DENND11: variants seen among roughly 807,000 people sequenced by gnomAD.
DENND11 encodes the protein DENN domain-containing protein 11.
DENND11 carries 34 observed loss-of-function variants against 49.2 expected under a neutral mutation model. That is an observed-to-expected ratio of 0.69 (90% confidence interval 0.53 to 0.92). The LOEUF is 0.92. Ranked by LOEUF, DENND11 falls within the 40% of genes least tolerant of loss-of-function variation. The pLI is 0.00. For missense variants in DENND11, 475 were observed against 581.6 expected, an observed-to-expected ratio of 0.82 and a Z score of 1.88; for synonymous variants, 238 against 230.3, an observed-to-expected ratio of 1.03 and a Z score of -0.30.
intron 1 of DENND11, among the ~76,000 whole-genome samples, chr7:141,689,225 G>A (rs1489754366): frequency 1.3e-5 from 2 of 152,140 alleles, no homozygotes; most frequent in African/African-American, 4.8e-5. Flanking sequence ...ATGGTAGACC[G>A]GATAAAGAAA....
At chr7:141,662,940 C>T (rs996030192) in intron 8 of DENND11, 89 bp from the exon 9 acceptor site, 4 of 948,202 alleles carry the variant, frequency 4.2e-6, no homozygotes, top group Non-Finnish European at 6.0e-6. Flanking sequence ...CAAAACTATA[C>T]TGTTTTGTTT....
At position 141,702,133 on chromosome 7, in the gene DENND11, C is replaced by T; in HGVS notation, c.21G>A (p.Ala7=). MVEQGD[A]APLLRWAEGP... ...CCTCGGCCCAGCGCAGCAGCGGCGC[C>T]GCGTCTCCCTGCTCCACCATGGCTA... Residue 7 remains alanine (A), a synonymous_variant, in exon 1 of 9, where the codon GCG becomes GCA. Coordinates refer to ENST00000536163, the MANE Select transcript of DENND11 (RefSeq NM_001080392.2). The T allele has an allele frequency of 1.0e-6, 1 of 983,036 alleles. No homozygotes were observed. Among genetic ancestry groups the T allele is most frequent in the Non-Finnish European group, 1.2e-6 (1 of 829,866 alleles). 60.9% of individuals were successfully genotyped at this position (983,036 alleles called of 1,614,324 possible). A position where few individuals can be genotyped will look rare whatever the true frequency, so the allele number is the denominator to read the frequency against.
In DENND11 at chr7:141,670,061, C is replaced by T. The variant is rs576786956; in HGVS notation, c.682-3636G>A. Among the ~76,000 whole-genome samples the T allele has an allele frequency of 2.1e-3, 309 of 150,624 alleles. 5 individuals carry two copies. The highest frequency in any genetic ancestry group is 6.8e-3 in the Middle Eastern group (2 of 294). On this transcript the variant is annotated intron_variant, in intron 4 of 8. Coordinates refer to ENST00000536163, the MANE Select transcript of DENND11 (RefSeq NM_001080392.2). ...TCCTGACCTCGTGATCCGCCCGCCT[C>T]GGCCTCCCAAAGTGCTGGGATTACA...
intron 1 of DENND11, among the ~76,000 whole-genome samples, chr7:141,698,162 C>T (rs1439607017): frequency 6.6e-6 from 1 of 152,234 alleles, no homozygotes; most frequent in Non-Finnish European, 1.5e-5. Flanking sequence ...AAAGCTTCAT[C>T]GGCCTCCATC....
At chr7:141,677,678 C>T (rs1216957806) in intron 3 of DENND11, among the ~76,000 whole-genome samples, 2 of 151,678 alleles carry the variant, frequency 1.3e-5, no homozygotes, top group African/African-American at 2.4e-5. Context: ...GTACATTGTA[C>T]ACATCCTCTG....
At chr7:141,700,979 A>C (rs1798501793) in intron 1 of DENND11, among the ~76,000 whole-genome samples, 1 of 151,534 alleles carries the variant, frequency 6.6e-6, no homozygotes, top group African/African-American at 2.4e-5. Flanking sequence ...TGACACCACG[A>C]CTCCTGCGAT....
At position 141,687,463 on chromosome 7, in the gene DENND11, ATT is replaced by A. The variant is rs754606947; in HGVS notation, c.269-807_269-806del. On this transcript the variant is annotated intron_variant, in intron 1 of 8. Coordinates refer to ENST00000536163, the MANE Select transcript of DENND11 (RefSeq NM_001080392.2). ...ATGTTATGACAGAGGATAAGGTGCGATTTTTTTTTTTTTTTCTCGAGACTGAG... is the reference window on the plus strand; with the variant it reads ...ATGTTATGACAGAGGATAAGGTGCGATTTTTTTTTTTTTCTCGAGACTGAG... Among the ~76,000 whole-genome samples, 108 of 142,072 alleles carry A rather than the reference ATT, an allele frequency of 7.6e-4. 1 individual carries two copies. The highest frequency in any genetic ancestry group is 2.9e-3 in the East Asian group (14 of 4,866). The allele number at this position is 142,072 out of a possible 152,430, so 93.2% of individuals were successfully genotyped here.
At chr7:141,683,618 G>T (rs762287782) in intron 3 of DENND11, among the ~76,000 whole-genome samples, 2 of 152,192 alleles carry the variant, frequency 1.3e-5, no homozygotes, top group Non-Finnish European at 2.9e-5. Context: ...CCTCCAGCCT[G>T]GGCGACAGAG....
chr7:141,670,255 T>C (rs1452369802), intron 4 of DENND11, among the ~76,000 whole-genome samples: 1 of 152,176 alleles, frequency 6.6e-6, no homozygotes. Flanking sequence ...CCATCAATAC[T>C]TTCCATGTTT....
intron 3 of DENND11, 40 bp downstream of exon 3, chr7:141,685,438 G>GATCCTGCTGCC: frequency 6.2e-7 from 1 of 1,606,786 alleles, no homozygotes; most frequent in Non-Finnish European, 8.5e-7. Context: ...CCAGCTGGTG[G>GATCCTGCTGCC]ATCCTGCTGC....
At position 141,662,668 on chromosome 7, in the gene DENND11, G is replaced by C; in HGVS notation, c.1356C>G (p.Pro452=). Residue 452 remains proline, a synonymous_variant, in exon 9 of 9, where the codon CCC becomes CCG. Transcript: ENST00000536163. The part of the protein sequence containing the change: ...GIDVMLVIDN[P]CCP The stretch of plus-strand genomic sequence containing the variant: ...CTGTTGGCTCCTCCTACGGGCAACA[G>C]GGGTTGTCGATAACCAGCATGACAT... 1 of 1,591,450 alleles carries C rather than the reference G, an allele frequency of 6.3e-7. No individual in the cohort carries two copies. The highest frequency in any genetic ancestry group is 8.5e-7 in the Non-Finnish European group (1 of 1,170,004).
At chr7:141,679,071 T>C (rs1798109123) in intron 3 of DENND11, among the ~76,000 whole-genome samples, 4 of 152,194 alleles carry the variant, frequency 2.6e-5, no homozygotes, top group Admixed American at 6.5e-5. Context: ...ACAGATTAAG[T>C]GTTGCAGAAA....
Position 141,674,072 on chromosome 7 carries a change from T to C in DENND11, c.676A>G (p.Met226Val). ...PSIHRYMYPE[M>V]KITHPAGCMS... is the part of the protein sequence containing the mutation. Reference sequence around the variant, plus strand: ...AAAAGCAGGGCTAACCTCACCTTCATCTCAGGGTACATGTATCGGTGGATG... The same window carrying C: ...AAAAGCAGGGCTAACCTCACCTTCACCTCAGGGTACATGTATCGGTGGATG... The change falls in exon 4 of 9, where the codon ATG (methionine) becomes GTG (valine). Residue 226 changes from methionine to valine, a missense_variant. Met to Val is a conservative substitution (Grantham distance 21, BLOSUM62 1). Transcript: ENST00000536163. 6.2e-7 allele frequency: 1 copy of C among 1,605,830 alleles called. No homozygotes were observed. The highest frequency in any genetic ancestry group is 1.1e-5 in the South Asian group (1 of 88,896).
chr7:141,680,770 A>C (rs1440215137), intron 3 of DENND11, among the ~76,000 whole-genome samples: 2 of 152,026 alleles, frequency 1.3e-5, no homozygotes, highest in African/African-American at 4.8e-5. Context: ...TACCATGTGG[A>C]TGAGGACAAC....
At chr7:141,698,362 C>T (rs753781652) in intron 1 of DENND11, among the ~76,000 whole-genome samples, 3 of 152,154 alleles carry the variant, frequency 2.0e-5, no homozygotes, top group African/African-American at 7.2e-5. Context: ...CAAAATGAAA[C>T]AGCAATATTC....
At chr7:141,695,277 C>G (rs1162826453) in intron 1 of DENND11, among the ~76,000 whole-genome samples, 1 of 152,096 alleles carries the variant, frequency 6.6e-6, no homozygotes, top group Admixed American at 6.5e-5. Flanking sequence ...GAAAGACATA[C>G]AGGTTTTCAC....
chr7:141,665,097 C>T (rs768540432), intron 6 of DENND11, 43 bp from the exon 7 acceptor site: 46 of 1,609,964 alleles, frequency 2.9e-5, no homozygotes, highest in Non-Finnish European at 3.8e-5. Flanking sequence ...CACCCGACCC[C>T]ACTGGGAAAC....
Position 141,685,691 on chromosome 7 carries a change from G to T in DENND11, c.369-55C>A, listed in dbSNP as rs1584721817. ...CAAGATCAGAGAGGAATTTTGAGAT[G>T]CAATCCTAAACAAAACAAATGAACT... On this transcript the variant is annotated intron_variant, in intron 2 of 8. Transcript: ENST00000536163. 5.1e-6 allele frequency: 8 copies of T among 1,578,394 alleles called. No homozygotes were observed. The East Asian group carries it at 1.8e-4, about 35-fold the overall frequency.
chr7:141,695,642 A>G (rs1798400804), intron 1 of DENND11, among the ~76,000 whole-genome samples: 1 of 152,222 alleles, frequency 6.6e-6, no homozygotes, highest in Admixed American at 6.5e-5. Context: ...GGTTTTCCAG[A>G]TATCCTCACT....
Sources: gnomAD v4.1 joint callset for allele counts (sites outside exome capture counted in the v4.1 genomes callset) on GRCh38, gnomAD v4.1.1 for gene constraint, MANE v1.5 for transcripts, NCBI Gene and HGNC (gene_info 2026-07-23, HGNC 2026-07-21) for gene names.